HDAC9: variants seen among roughly 807,000 people sequenced by gnomAD.
HDAC9 encodes histone deacetylase 9.
A neutral mutation model predicts 139.4 loss-of-function variants in HDAC9; 41 were observed. The ratio of observed to expected loss-of-function variants is 0.29; its 90% CI spans 0.23 to 0.38. HDAC9 has a LOEUF of 0.38. Ranked by LOEUF, HDAC9 falls within the 10% of genes least tolerant of loss-of-function variation. The pLI, the probability that HDAC9 is intolerant of heterozygous loss-of-function variation, is 1.00. For missense variants in HDAC9, 1,147 were observed against 1,297.0 expected (o/e 0.88, Z 1.78); for synonymous variants, 517 against 476.2 (o/e 1.09, Z -1.12).
chr7:18,526,511 A>G (rs1193959950), intron 2 of HDAC9, among the ~76,000 whole-genome samples: 1 of 152,210 alleles, frequency 6.6e-6, no homozygotes, highest in Admixed American at 6.5e-5. Context: ...AATAGATGCA[A>G]ACAGTGGGAA....
chr7:18,865,471 A>G (rs920190746), intron 21 of HDAC9, among the ~76,000 whole-genome samples: 3 of 152,192 alleles, frequency 2.0e-5, no homozygotes, highest in African/African-American at 4.8e-5. Flanking sequence ...AGCAGGACTT[A>G]TTCAGGTCTG....
chr7:18,661,910 T>G (rs939301666), intron 11 of HDAC9, among the ~76,000 whole-genome samples: 1 of 152,118 alleles, frequency 6.6e-6, no homozygotes, highest in African/African-American at 2.4e-5. Flanking sequence ...TCTGTGTCAG[T>G]GAGGTTGTAA....
At position 18,904,352 on chromosome 7, in the gene HDAC9, G is replaced by C. The variant is rs1020945268; in HGVS notation, c.2803+29756G>C. On this transcript the variant is annotated intron_variant, in intron 22 of 25. Transcript: ENST00000686413. ...ATTCACAGATTATCTATGATGATCA[G>C]GGTGCTGCGTTGCCACTGTAATGAT... Among the ~76,000 whole-genome samples, 13 of 152,256 alleles carry C rather than the reference G, an allele frequency of 8.5e-5. No homozygotes were observed. In the South Asian group the frequency reaches 2.7e-3, roughly 32 times the overall value.
intron 22 of HDAC9, among the ~76,000 whole-genome samples, chr7:18,934,927 A>G (rs776357574): frequency 6.6e-6 from 1 of 152,194 alleles, no homozygotes; most frequent in Non-Finnish European, 1.5e-5. Flanking sequence ...CCAATAGAAG[A>G]ATGGGTAACC....
chr7:18,166,854 G>T (rs1416285689), intron 2 of HDAC9, among the ~76,000 whole-genome samples: 1 of 152,090 alleles, frequency 6.6e-6, no homozygotes, highest in Non-Finnish European at 1.5e-5. Context: ...GTCCAAGTGG[G>T]TATTTTTTCT....
chr7:18,952,917 A>G (rs1264498053), intron 23 of HDAC9, among the ~76,000 whole-genome samples: 3 of 151,338 alleles, frequency 2.0e-5, no homozygotes, highest in African/African-American at 4.9e-5. Context: ...CTGGAAAGTT[A>G]TAGTTAGTGA....
At chr7:18,966,545 A>G (rs1358219750) in intron 24 of HDAC9, among the ~76,000 whole-genome samples, 1 of 152,158 alleles carries the variant, frequency 6.6e-6, no homozygotes, top group Admixed American at 6.5e-5. Context: ...ACTAAAAAAT[A>G]CAAAAATTAG....
At chr7:18,991,158 G>A (rs1785899335) in intron 25 of HDAC9, among the ~76,000 whole-genome samples, 1 of 152,140 alleles carries the variant, frequency 6.6e-6, no homozygotes, top group African/African-American at 2.4e-5. Context: ...TCCAACATAT[G>A]TATATAAACA....
At chr7:18,653,514 T>C (rs1478989902) in intron 11 of HDAC9, among the ~76,000 whole-genome samples, 1 of 152,102 alleles carries the variant, frequency 6.6e-6, no homozygotes, top group Middle Eastern at 3.2e-3. Context: ...ACATAAATCA[T>C]GAGATGATAT....
At chr7:18,398,865 C>A (rs1008988407) in intron 1 of HDAC9, among the ~76,000 whole-genome samples, 5 of 152,040 alleles carry the variant, frequency 3.3e-5, no homozygotes, top group Non-Finnish European at 5.9e-5. Flanking sequence ...CCAAATGCAC[C>A]TTACAAAAAG....
chr7:18,898,690 G>A (rs1455855067), intron 22 of HDAC9, among the ~76,000 whole-genome samples: 1 of 151,750 alleles, frequency 6.6e-6, no homozygotes, highest in African/African-American at 2.4e-5. Flanking sequence ...GCTTATGTTG[G>A]AATTCACATT....
At chr7:18,588,558 T>TGGG (rs1830076490) in intron 3 of HDAC9, among the ~76,000 whole-genome samples, 1 of 152,172 alleles carries the variant, frequency 6.6e-6, no homozygotes, top group Non-Finnish European at 1.5e-5. Flanking sequence ...CATTGAACCA[T>TGGG]CAGAAAGGAA....
At chr7:18,203,572 A>G (rs1791288675) in intron 2 of HDAC9, among the ~76,000 whole-genome samples, 1 of 152,186 alleles carries the variant, frequency 6.6e-6, no homozygotes, top group Non-Finnish European at 1.5e-5. Flanking sequence ...GGGTAGGCAA[A>G]TTCCATCATG....
In HDAC9 at chr7:18,496,314, G is replaced by T; in HGVS notation, c.12G>T (p.Met4Ile). ...TGGCTCAGCAAAGAATGCACAGTAT[G>T]ATCAGCTCAGGTAAGATCCTCTTTC... MHS[M>I]ISSVDVKSEV... The change falls in exon 2 of 26, where the codon ATG (methionine) becomes ATT (isoleucine). Residue 4 changes from methionine to isoleucine, a missense_variant. This residue lies in a region of HDAC9 where 136 missense variants were observed against 183.5 expected (regional missense o/e 0.74). Coordinates refer to ENST00000686413, the MANE Select transcript of HDAC9 (RefSeq NM_178425.4). The T allele has an allele frequency of 6.2e-7, 1 of 1,613,068 alleles. No homozygotes were observed. The highest frequency in any genetic ancestry group is 1.1e-5 in the South Asian group (1 of 91,054).
chr7:18,405,001 G>A (rs534035045), intron 1 of HDAC9, among the ~76,000 whole-genome samples: 21 of 152,310 alleles, frequency 1.4e-4, no homozygotes, highest in Admixed American at 5.2e-4. Flanking sequence ...TTACTTAGAT[G>A]GGGACTATGT....
intron 1 of HDAC9, among the ~76,000 whole-genome samples, chr7:18,154,942 T>G (rs1787067813): frequency 6.6e-6 from 1 of 152,190 alleles, no homozygotes; most frequent in South Asian, 2.1e-4. Flanking sequence ...GCGTGTGAGT[T>G]ACAAAGCCCT....
Position 18,617,198 on chromosome 7 carries a change from C to T in HDAC9, c.665-12152C>T, listed in dbSNP as rs544270305. 6.4e-4 allele frequency among the ~76,000 whole-genome samples: 97 copies of T among 152,220 alleles called. 1 individual carries two copies. The South Asian group carries it at 0.01, about 16-fold the overall frequency. ...ACCACTGATTCCATCATACTCCTGT[C>T]CAGTCAATCCTTTGACTTTCTAAAG... On this transcript the variant is annotated intron_variant, in intron 6 of 25. Coordinates refer to ENST00000686413, the MANE Select transcript of HDAC9 (RefSeq NM_178425.4).
chr7:18,376,682 G>A (rs1057289399), intron 1 of HDAC9, among the ~76,000 whole-genome samples: 4 of 152,084 alleles, frequency 2.6e-5, no homozygotes, highest in Non-Finnish European at 5.9e-5. Context: ...AGATGCTGAA[G>A]CTAAGGTCCA....
At chr7:18,474,897 T>A (rs1794995745) in intron 1 of HDAC9, among the ~76,000 whole-genome samples, 1 of 151,820 alleles carries the variant, frequency 6.6e-6, no homozygotes, top group Non-Finnish European at 1.5e-5. Context: ...AAAGAAGGAA[T>A]GGTCAAAAGG....
Sources: allele counts gnomAD v4.1 joint callset (sites outside exome capture counted in the v4.1 genomes callset), GRCh38; gene constraint gnomAD v4.1.1; regional missense constraint gnomAD v4.1.1; transcripts MANE v1.5; gene names NCBI Gene and HGNC (gene_info 2026-07-23, HGNC 2026-07-21).